The following FGD6 variants were observed in gnomAD, a reference collection of about 807,000 sequenced individuals.
FGD6 encodes the protein FYVE, RhoGEF and PH domain containing 6.
A neutral mutation model predicts 149.4 loss-of-function variants in FGD6; 90 were observed. The observed-to-expected ratio is 0.60, with a 90% CI of 0.51 to 0.72. FGD6 has a LOEUF of 0.72. Among genes scored for constraint, FGD6 ranks in the 30% least tolerant of loss-of-function variants. The probability of loss-of-function intolerance (pLI) is 0.00; values close to 1 mark genes in which losing one functional copy is unlikely to be tolerated. For missense variants in FGD6, 1,437 were observed against 1,684.8 expected (o/e 0.85, Z 2.57); for synonymous variants, 527 against 584.0 (o/e 0.90, Z 1.41).
At chr12:95,178,339 T>TGAAC (rs1592865085) in intron 2 of FGD6, among the ~76,000 whole-genome samples, 1 of 152,206 alleles carries the variant, frequency 6.6e-6, no homozygotes, top group African/African-American at 2.4e-5. Flanking sequence ...GTGACAGGAC[T>TGAAC]GAACAAATAT....
intron 8 of FGD6, among the ~76,000 whole-genome samples, chr12:95,121,464 GATATATATATATATATGT>G (rs1471968936): frequency 1.4e-5 from 1 of 71,334 alleles, no homozygotes; most frequent in Non-Finnish European, 2.5e-5. Flanking sequence ...AAAAAAAAAA[GATATATATATATATATGT>G]ATATATATAT....
intron 2 of FGD6, among the ~76,000 whole-genome samples, chr12:95,177,498 G>C (rs2136286173): frequency 6.6e-6 from 1 of 152,146 alleles, no homozygotes; most frequent in Middle Eastern, 3.4e-3. Flanking sequence ...TTATTTCCAA[G>C]TCACCACATG....
intron 3 of FGD6, among the ~76,000 whole-genome samples, chr12:95,165,002 G>A (rs75977568): frequency 0.024 from 3,688 of 152,030 alleles, 56 homozygotes; most frequent in Non-Finnish European, 0.04. Flanking sequence ...AGATGAAGAC[G>A]ATGAATATTC....
In FGD6 at chr12:95,105,033, T is replaced by C; in HGVS notation, c.3471A>G (p.Val1157=). The change falls in exon 14 of 21, where the codon GTA becomes GTG. Residue 1157 remains valine (V), a synonymous_variant. Coordinates refer to ENST00000343958, the MANE Select transcript of FGD6 (RefSeq NM_018351.4). The part of the protein sequence containing the change: ...AYQNELKIES[V]ERSFILSASS... ...TGGCTGAGAGAATGAAGGAACGTTC[T>C]ACACTTTCAATCTTTAATTCATTCT... is the stretch of plus-strand genomic sequence containing the variant. 6.2e-7 allele frequency: 1 copy of C among 1,606,846 alleles called. No homozygotes were observed. Among genetic ancestry groups the C allele is most frequent in the Non-Finnish European group, 8.5e-7 (1 of 1,178,004 alleles).
At chr12:95,155,811 C>G (rs1400440823) in intron 3 of FGD6, among the ~76,000 whole-genome samples, 1 of 152,102 alleles carries the variant, frequency 6.6e-6, no homozygotes. Context: ...AAGTCAGGAA[C>G]CCCAAATGGA....
chr12:95,185,201 G>A (rs1023975712), intron 2 of FGD6, among the ~76,000 whole-genome samples: 6 of 152,112 alleles, frequency 3.9e-5, no homozygotes, highest in Non-Finnish European at 8.8e-5. Flanking sequence ...GCATCAGTGA[G>A]TCCTTACACC....
intron 6 of FGD6, among the ~76,000 whole-genome samples, chr12:95,140,675 C>T (rs1440721362): frequency 1.3e-5 from 2 of 152,100 alleles, no homozygotes; most frequent in Non-Finnish European, 2.9e-5. Flanking sequence ...AGTGAACGGC[C>T]TCTTTTTCAA....
At chr12:95,126,283 C>A in intron 8 of FGD6, 1 of 1,415,932 alleles carries the variant, frequency 7.1e-7, no homozygotes. Flanking sequence ...AAGGTTCCTG[C>A]CCAGAAAGCC....
intron 5 of FGD6, among the ~76,000 whole-genome samples, chr12:95,149,326 A>ATAATATATTATATAATATATAGCATATAT (rs1880211106): frequency 9.8e-6 from 1 of 102,066 alleles, no homozygotes; most frequent in African/African-American, 4.0e-5. Context: ...AGCATATATT[A>ATAATATATTATATAATATATAGCATATAT]TATAATATAT....
chr12:95,107,519 C>G (rs1289139415), intron 12 of FGD6, 44 bp downstream of exon 12: 1 of 1,597,814 alleles, frequency 6.3e-7, no homozygotes, highest in East Asian at 2.2e-5. Context: ...CCTTAAGCAA[C>G]TATCCCTACC....
chr12:95,150,217 G>A (rs1419914158), intron 5 of FGD6, among the ~76,000 whole-genome samples: 1 of 151,854 alleles, frequency 6.6e-6, no homozygotes, highest in South Asian at 2.1e-4. Flanking sequence ...TAGTAGAGAC[G>A]GGGTTTCTCC....
chr12:95,174,344 T>C (rs1881071261), intron 2 of FGD6, among the ~76,000 whole-genome samples: 1 of 152,212 alleles, frequency 6.6e-6, no homozygotes, highest in Non-Finnish European at 1.5e-5. Context: ...CCCCACCACT[T>C]GTTTTTATCG....
intron 2 of FGD6, among the ~76,000 whole-genome samples, chr12:95,195,272 A>T (rs1396095787): frequency 6.6e-6 from 1 of 152,198 alleles, no homozygotes; most frequent in East Asian, 1.9e-4. Context: ...TTTACATAAG[A>T]ATCAGAGATC....
At chr12:95,141,295 G>T in intron 6 of FGD6, 93 bp downstream of exon 6, 1 of 1,256,952 alleles carries the variant, frequency 8.0e-7, no homozygotes, top group Non-Finnish European at 1.1e-6. Flanking sequence ...ACAACTCAAT[G>T]TAATGAAAAT....
In FGD6 at chr12:95,216,709, C is replaced by T. The variant is rs1157073859; in HGVS notation, c.16+516G>A. ...AAAAAAAACCTCAACAATCTCAACT[C>T]CTCTGCTTCTCAGGTAACAGAGGTA... On this transcript the variant is annotated intron_variant, in intron 1 of 20. Transcript: ENST00000343958. 4.0e-5 allele frequency among the ~76,000 whole-genome samples: 6 copies of T among 148,154 alleles called. No homozygotes were observed. The East Asian group carries it at 1.0e-3, about 25-fold the overall frequency.
At chr12:95,157,509 T>C (rs1880506878) in intron 3 of FGD6, among the ~76,000 whole-genome samples, 2 of 139,680 alleles carry the variant, frequency 1.4e-5, no homozygotes, top group African/African-American at 5.5e-5. Context: ...GAGGTTGCAG[T>C]GAGTCATGAT....
At position 95,210,084 on chromosome 12, in the gene FGD6, T is replaced by C; in HGVS notation, c.1200A>G (p.Ser400=). Residue 400 remains serine (S), a synonymous_variant, in exon 2 of 21, where the codon TCA becomes TCG. Coordinates refer to ENST00000343958, the MANE Select transcript of FGD6 (RefSeq NM_018351.4). The stretch of plus-strand genomic sequence containing the variant: ...TTGTTTCATTACACATGGCTTTCTG[T>C]GAATTGACTAAGTCCTGTGCATCAC... ...SNSDAQDLVN[S]QKAMCNETTS... The C allele has an allele frequency of 6.2e-7, 1 of 1,614,186 alleles. No homozygotes were observed. The highest frequency in any genetic ancestry group is 8.5e-7 in the Non-Finnish European group (1 of 1,180,036).
At chr12:95,126,645 T>C (rs10859835) in intron 8 of FGD6, among the ~76,000 whole-genome samples, 95,594 of 150,492 alleles carry the variant, frequency 0.64, 30,552 homozygotes, top group East Asian at 0.68. Flanking sequence ...GCAAGAGAAC[T>C]GCTTGAACCC....
chr12:95,102,376 G>A (rs988013715), intron 14 of FGD6, among the ~76,000 whole-genome samples: 1 of 149,842 alleles, frequency 6.7e-6, no homozygotes, highest in African/African-American at 2.5e-5. Context: ...GCCGGGAGGC[G>A]GGGGCTGCAG....
Sources: gnomAD v4.1 joint callset for allele counts (sites outside exome capture counted in the v4.1 genomes callset) on GRCh38, gnomAD v4.1.1 for gene constraint, MANE v1.5 for transcripts, NCBI Gene and HGNC (gene_info 2026-07-23, HGNC 2026-07-21) for gene names.